CDK7: variants seen among roughly 807,000 people sequenced by gnomAD.
CDK7 encodes the protein cyclin dependent kinase 7.
In CDK7, 25 loss-of-function variants were observed where a neutral mutation model predicts 49.1. That is an observed-to-expected ratio of 0.51 (90% confidence interval 0.37 to 0.71). The LOEUF is 0.71. Ranked by LOEUF, CDK7 falls within the 30% of genes least tolerant of loss-of-function variation. The pLI, the probability that CDK7 is intolerant of heterozygous loss-of-function variation, is 0.00. For missense variants in CDK7, 316 were observed against 411.7 expected, an observed-to-expected ratio of 0.77 and a Z score of 2.01; for synonymous variants, 107 against 140.0, an observed-to-expected ratio of 0.76 and a Z score of 1.67.
rs1206890809 is a variant in CDK7, at chr5:69,252,707, CTG to C, written c.160+260_160+261del. On this transcript the variant is annotated intron_variant, in intron 3 of 11. Coordinates refer to ENST00000256443, the MANE Select transcript of CDK7 (RefSeq NM_001799.4). ...TATTTTTTGTAGAGATGAGGTCTGG[CTG>C]TGTTGCTCAGGCTTCTCTCAAACTC... Among the ~76,000 whole-genome samples the C allele has an allele frequency of 5.3e-5, 8 of 152,126 alleles. No homozygotes were observed. The East Asian group carries it at 1.5e-3, about 29-fold the overall frequency.
chr5:69,262,220 C>T lies in CDK7; in HGVS notation c.543C>T (p.Pro181=), dbSNP rs575233647. 8.2e-5 allele frequency: 132 copies of T among 1,613,678 alleles called. 2 individuals carry two copies. The South Asian group carries it at 1.4e-3, about 17-fold the overall frequency. The change falls in exon 8 of 12, where the codon CCC becomes CCT. Residue 181 remains proline, a synonymous_variant. Coordinates refer to ENST00000256443, the MANE Select transcript of CDK7 (RefSeq NM_001799.4). The part of the protein sequence containing the change: ...HQVVTRWYRA[P]ELLFGARMYG... Reference sequence around the variant, plus strand: ...TGTTCTTTAGGTGGTATCGGGCCCCCGAGTTACTATTTGGAGCTAGGATGT... The same window carrying T: ...TGTTCTTTAGGTGGTATCGGGCCCCTGAGTTACTATTTGGAGCTAGGATGT...
chr5:69,239,790 T>TA (rs1749245438), intron 2 of CDK7, among the ~76,000 whole-genome samples: 1 of 152,146 alleles, frequency 6.6e-6, no homozygotes, highest in Non-Finnish European at 1.5e-5. Flanking sequence ...TCTGTACTTG[T>TA]AAAATTTTTA....
chr5:69,247,874 TTTTAAC>T (rs1031649032), intron 2 of CDK7, among the ~76,000 whole-genome samples: 1 of 152,140 alleles, frequency 6.6e-6, no homozygotes, highest in African/African-American at 2.4e-5. Flanking sequence ...AAACTCTGCG[TTTTAAC>T]TTTGTCTCCC....
chr5:69,268,367 G>A (rs1751299769), intron 8 of CDK7, among the ~76,000 whole-genome samples: 1 of 152,144 alleles, frequency 6.6e-6, no homozygotes, highest in South Asian at 2.1e-4. Flanking sequence ...TTAGCACAAG[G>A]CCTGTTATAT....
In CDK7 at chr5:69,254,621, A is replaced by T; in HGVS notation, c.180A>T (p.Leu60Phe). ...EAKDGINRTA[L>F]REIKLLQELS... Reference sequence around the variant, plus strand: ...ATATAGGTATAAATAGAACCGCCTTAAGAGAGATAAAATTATTACAGGAGC... The same window carrying T: ...ATATAGGTATAAATAGAACCGCCTTTAGAGAGATAAAATTATTACAGGAGC... Residue 60 changes from leucine to phenylalanine, a missense_variant, in exon 4 of 12, where the codon TTA becomes TTT. Coordinates refer to ENST00000256443, the MANE Select transcript of CDK7 (RefSeq NM_001799.4). 1 of 1,515,300 alleles carries T rather than the reference A, an allele frequency of 6.6e-7. No homozygotes were observed. The highest frequency in any genetic ancestry group is 9.2e-7 in the Non-Finnish European group (1 of 1,090,318). The allele number at this position is 1,515,300 out of a possible 1,614,324, so 93.9% of individuals were successfully genotyped here.
At chr5:69,245,837 A>G (rs950153172) in intron 2 of CDK7, among the ~76,000 whole-genome samples, 1 of 152,212 alleles carries the variant, frequency 6.6e-6, no homozygotes, top group Admixed American at 6.5e-5. Context: ...TTCTTGGCGT[A>G]TAGTTACTCA....
At position 69,235,390 on chromosome 5, in the gene CDK7, C is replaced by T. The variant is rs534968275; in HGVS notation, c.67-4C>T. The T allele has an allele frequency of 4.3e-5, 68 of 1,588,784 alleles. No individual in the cohort carries two copies. The South Asian group carries it at 6.9e-4, about 16-fold the overall frequency. On this transcript the variant is annotated splice_region_variant and splice_polypyrimidine_tract_variant and intron_variant, in intron 1 of 11. Transcript: ENST00000256443. Reference sequence around the variant, plus strand: ...ACTTATGTTATTTCTATTTTTCTTTCTAGTTTGCCACCGTTTACAAGGCCA... The same window carrying T: ...ACTTATGTTATTTCTATTTTTCTTTTTAGTTTGCCACCGTTTACAAGGCCA...
intron 8 of CDK7, among the ~76,000 whole-genome samples, chr5:69,268,680 A>G (rs191386561): frequency 7.3e-5 from 11 of 150,956 alleles, no homozygotes; most frequent in Admixed American, 2.0e-4. Flanking sequence ...GTGAAACCCC[A>G]TCTCTACTAA....
At chr5:69,245,991 A>G (rs143970899) in intron 2 of CDK7, among the ~76,000 whole-genome samples, 37 of 152,050 alleles carry the variant, frequency 2.4e-4, no homozygotes, top group Middle Eastern at 3.4e-3. Context: ...CAGGGTTTTT[A>G]TTGGGACTGG....
At chr5:69,248,806 T>TC (rs1554063466) in intron 2 of CDK7, among the ~76,000 whole-genome samples, 5 of 144,406 alleles carry the variant, frequency 3.5e-5, no homozygotes, top group South Asian at 4.4e-4. Flanking sequence ...TTTTTTCTTT[T>TC]TTTTTTTTTT....
chr5:69,275,383 T>C (rs1752013117), intron 10 of CDK7, among the ~76,000 whole-genome samples: 1 of 152,310 alleles, frequency 6.6e-6, no homozygotes, highest in Middle Eastern at 3.4e-3. Context: ...AATTTGAATA[T>C]ATATGGATAG....
At chr5:69,234,828 C>T (rs1748828714), upstream of CDK7, 1 of 785,602 alleles carries the variant, frequency 1.3e-6, no homozygotes, top group South Asian at 1.7e-5. Flanking sequence ...GCGCAGCTTC[C>T]TCCGCCCACC....
intron 2 of CDK7, among the ~76,000 whole-genome samples, chr5:69,241,314 C>CT (rs747725798): frequency 0.078 from 2,753 of 35,160 alleles, 91 homozygotes; most frequent in African/African-American, 0.24. Flanking sequence ...TAGGTTTTTT[C>CT]TTTTTTTTTT....
intron 5 of CDK7, among the ~76,000 whole-genome samples, chr5:69,256,584 A>G (rs1750506260): frequency 6.6e-6 from 1 of 151,760 alleles, no homozygotes; most frequent in South Asian, 2.1e-4. Flanking sequence ...CTGGCGATCT[A>G]CCTGCCTGAG....
At chr5:69,269,134 G>A in intron 8 of CDK7, 73 bp from the exon 9 acceptor site, 1 of 918,474 alleles carries the variant, frequency 1.1e-6, no homozygotes, top group East Asian at 2.5e-5. Flanking sequence ...GCGAGACTCT[G>A]TCTCTCTAAA....
intron 2 of CDK7, among the ~76,000 whole-genome samples, chr5:69,245,393 G>T (rs1409935298): frequency 6.7e-6 from 1 of 149,614 alleles, no homozygotes; most frequent in African/African-American, 2.5e-5. Flanking sequence ...AGGCCCTGGA[G>T]TGCAGTGGCG....
rs750476115 is a variant in CDK7, at chr5:69,262,254, G to C, written c.577G>C (p.Gly193Arg). ...ATTTGGAGCTAGGATGTATGGTGTA[G>C]GTGTGGACATGTGGGCTGTTGGCTG... ...LLFGARMYGV[G>R]VDMWAVGCIL... The change falls in exon 8 of 12, where the codon GGT (glycine) becomes CGT (arginine). Residue 193 changes from glycine to arginine, a missense_variant. Transcript: ENST00000256443. The C allele has an allele frequency of 1.2e-6, 2 of 1,614,100 alleles. No homozygotes were observed. The highest frequency in any genetic ancestry group is 8.5e-7 in the Non-Finnish European group (1 of 1,179,990).
intron 2 of CDK7, among the ~76,000 whole-genome samples, chr5:69,242,339 G>C (rs574264917): frequency 6.6e-6 from 1 of 152,128 alleles, no homozygotes; most frequent in Non-Finnish European, 1.5e-5. Flanking sequence ...AAATTGTAGA[G>C]AGTTGAAACT....
intron 9 of CDK7, among the ~76,000 whole-genome samples, chr5:69,272,510 A>T (rs1751667666): frequency 6.6e-6 from 1 of 152,194 alleles, no homozygotes; most frequent in African/African-American, 2.4e-5. Flanking sequence ...ATATTCCAAT[A>T]TGTGAACACG....
Sources: allele counts gnomAD v4.1 joint callset (sites outside exome capture counted in the v4.1 genomes callset), GRCh38; gene constraint gnomAD v4.1.1; transcripts MANE v1.5; gene names NCBI Gene and HGNC (gene_info 2026-07-23, HGNC 2026-07-21).